The following PARN variants were observed in gnomAD, a reference collection of about 807,000 sequenced individuals.
PARN encodes the protein poly(A)-specific ribonuclease PARN.
A neutral mutation model predicts 102.8 loss-of-function variants in PARN; 71 were observed. The ratio of observed to expected loss-of-function variants is 0.69; its 90% CI spans 0.57 to 0.84. The LOEUF is 0.84. Ranked by LOEUF, PARN falls within the 40% of genes least tolerant of loss-of-function variation. The pLI is 0.00. For missense variants in PARN, 782 were observed against 760.9 expected, an observed-to-expected ratio of 1.03 and a Z score of -0.33; for synonymous variants, 261 against 252.9, an observed-to-expected ratio of 1.03 and a Z score of -0.30.
rs1967343377 is a variant in PARN, at chr16:14,552,115, G to C, written c.1406-20C>G. ...TGTTACCTGCAATCGCAAATTAAAA[G>C]TAAAGTGAACATTTGACCATGTGGA... is the stretch of plus-strand genomic sequence containing the variant. On this transcript the variant is annotated intron_variant, in intron 20 of 23. Coordinates refer to ENST00000437198, the MANE Select transcript of PARN (RefSeq NM_002582.4). The C allele has an allele frequency of 6.6e-7, 1 of 1,520,032 alleles. No individual in the cohort carries two copies. The highest frequency in any genetic ancestry group is 9.1e-7 in the Non-Finnish European group (1 of 1,095,956). 94.2% of individuals were successfully genotyped at this position (1,520,032 alleles called of 1,614,324 possible).
chr16:14,466,161 AT>A (rs1962335938), intron 22 of PARN, among the ~76,000 whole-genome samples: 1 of 152,234 alleles, frequency 6.6e-6, no homozygotes, highest in Non-Finnish European at 1.5e-5. Context: ...GTTAAAAAAA[AT>A]GAAGAAGTAG....
At chr16:14,623,814 G>C (rs1183515126) in intron 5 of PARN, among the ~76,000 whole-genome samples, 1 of 150,656 alleles carries the variant, frequency 6.6e-6, no homozygotes. Flanking sequence ...TCCAGCCTGG[G>C]CGACAGTGTA....
chr16:14,463,466 C>G (rs923242594), intron 22 of PARN, among the ~76,000 whole-genome samples: 5 of 151,988 alleles, frequency 3.3e-5, no homozygotes, highest in South Asian at 4.2e-4. Context: ...AAACACAACC[C>G]ACAATAACAG....
chr16:14,617,343 C>T (rs1174033763), intron 6 of PARN, among the ~76,000 whole-genome samples: 1 of 147,472 alleles, frequency 6.8e-6, no homozygotes, highest in Non-Finnish European at 1.5e-5. Context: ...GAGATCACAC[C>T]ACTGCACTCC....
chr16:14,552,241 T>A (rs1967352722), intron 20 of PARN, 146 bp from the exon 21 acceptor site: 1 of 587,880 alleles, frequency 1.7e-6, no homozygotes, highest in South Asian at 2.4e-5. Flanking sequence ...ATCTCAGCCC[T>A]ACAGAGAGTT....
At chr16:14,624,349 C>T (rs1280970386) in intron 5 of PARN, among the ~76,000 whole-genome samples, 1 of 152,192 alleles carries the variant, frequency 6.6e-6, no homozygotes, top group Non-Finnish European at 1.5e-5. Flanking sequence ...AATACATTAA[C>T]CTTTTCATAC....
intron 21 of PARN, among the ~76,000 whole-genome samples, chr16:14,522,757 A>C (rs1054188488): frequency 2.0e-5 from 3 of 152,184 alleles, no homozygotes. Context: ...AGAAGGCAAG[A>C]ACAACAACCA....
intron 22 of PARN, among the ~76,000 whole-genome samples, chr16:14,449,101 G>T (rs1004011753): frequency 6.6e-6 from 1 of 152,086 alleles, no homozygotes. Context: ...AAATTCCTTC[G>T]CATTGTAAAT....
At chr16:14,539,350 A>T (rs941294339) in intron 21 of PARN, among the ~76,000 whole-genome samples, 2 of 152,214 alleles carry the variant, frequency 1.3e-5, no homozygotes, top group Non-Finnish European at 2.9e-5. Context: ...CAGCCGCTTT[A>T]ATGCTGTATC....
chr16:14,473,899 A>T (rs1216085922), intron 22 of PARN, among the ~76,000 whole-genome samples: 1 of 152,204 alleles, frequency 6.6e-6, no homozygotes, highest in Non-Finnish European at 1.5e-5. Flanking sequence ...GTAGTTTCCA[A>T]CCATTTTGTT....
chr16:14,609,271 G>C, intron 7 of PARN, 148 bp from the exon 8 acceptor site: 1 of 579,386 alleles, frequency 1.7e-6, no homozygotes, highest in East Asian at 3.0e-5. Flanking sequence ...TTAGTTCAAA[G>C]ACTTTTTTAA....
At chr16:14,527,195 T>C (rs776886941) in intron 21 of PARN, among the ~76,000 whole-genome samples, 33 of 152,308 alleles carry the variant, frequency 2.2e-4, no homozygotes, top group Non-Finnish European at 1.9e-4. Flanking sequence ...GGAATCCAAA[T>C]GAGAGTAAAC....
chr16:14,617,056 TTA>T (rs1185139999), intron 6 of PARN, among the ~76,000 whole-genome samples: 2 of 150,710 alleles, frequency 1.3e-5, no homozygotes, highest in Admixed American at 1.3e-4. Flanking sequence ...TCATGGCTGA[TTA>T]TGTTTTTTGT....
At chr16:14,546,079 A>C (rs1326478055) in intron 21 of PARN, among the ~76,000 whole-genome samples, 1 of 152,248 alleles carries the variant, frequency 6.6e-6, no homozygotes. Flanking sequence ...GGAATGAACA[A>C]GGAAAAATGA....
intron 13 of PARN, among the ~76,000 whole-genome samples, 169 bp from the exon 14 acceptor site, chr16:14,586,530 C>T (rs991950389): frequency 4.6e-5 from 7 of 152,144 alleles, no homozygotes; most frequent in African/African-American, 1.7e-4. Context: ...AAACACAAAA[C>T]CTTCCCAATT....
chr16:14,620,069 CAA>C (rs1167781322), intron 5 of PARN, among the ~76,000 whole-genome samples: 13 of 47,552 alleles, frequency 2.7e-4, no homozygotes, highest in Admixed American at 1.1e-3. Context: ...GACTCTGTCT[CAA>C]AAAAAAAAAA....
At chr16:14,605,496 A>T (rs60227820) in intron 10 of PARN, among the ~76,000 whole-genome samples, 6 of 152,328 alleles carry the variant, frequency 3.9e-5, no homozygotes, top group African/African-American at 1.2e-4. Context: ...AGTAAAATGT[A>T]TATGTTGTAT....
intron 21 of PARN, among the ~76,000 whole-genome samples, chr16:14,531,251 A>G (rs991470246): frequency 1.3e-5 from 2 of 152,148 alleles, no homozygotes; most frequent in African/African-American, 4.8e-5. Context: ...AGGCTGAGGC[A>G]GGAGAATTGC....
In PARN at chr16:14,599,899, CT is replaced by C; in HGVS notation, c.840+4del. On this transcript the variant is annotated splice_donor_region_variant and intron_variant, in intron 12 of 23. Transcript: ENST00000437198. ...CAATCTTGCTAAAAAGTCTGGCTCA[CT>C]TACCGAATTAGCAATGGCGTGAATG... 6.3e-7 allele frequency: 1 copy of C among 1,590,416 alleles called. No homozygotes were observed. Among genetic ancestry groups the C allele is most frequent in the Non-Finnish European group, 8.6e-7 (1 of 1,164,596 alleles).
Sources: gnomAD v4.1 joint callset for allele counts (sites outside exome capture counted in the v4.1 genomes callset) on GRCh38, gnomAD v4.1.1 for gene constraint, MANE v1.5 for transcripts, NCBI Gene and HGNC (gene_info 2026-07-23, HGNC 2026-07-21) for gene names.